LEMD1: variants seen among roughly 807,000 people sequenced by gnomAD.
The protein encoded by LEMD1 is LEM domain-containing protein 1.
A neutral mutation model predicts 17.4 loss-of-function variants in LEMD1; 18 were observed. That is an observed-to-expected ratio of 1.04 (90% confidence interval 0.72 to 1.54). LEMD1 has a LOEUF of 1.54. Among genes scored for constraint, LEMD1 ranks in the 40% most tolerant of loss-of-function variants. The probability of loss-of-function intolerance (pLI) is 0.00; values close to 1 mark genes in which losing one functional copy is unlikely to be tolerated. For missense variants in LEMD1, 195 were observed against 210.4 expected, an observed-to-expected ratio of 0.93 and a Z score of 0.45; for synonymous variants, 88 against 77.8, an observed-to-expected ratio of 1.13 and a Z score of -0.69.
intron 4 of LEMD1, chr1:205,386,113 A>G (rs1663998407): frequency 6.6e-6 from 1 of 152,358 alleles, no homozygotes; most frequent in Non-Finnish European, 1.5e-5. Flanking sequence ...TCAGGACACA[A>G]CAATAGAGTG....
chr1:205,434,048 A>G (rs890464307), intron 1 of LEMD1, among the ~76,000 whole-genome samples: 1 of 152,180 alleles, frequency 6.6e-6, no homozygotes, highest in African/African-American at 2.4e-5. Context: ...ATATAATCAC[A>G]TACATGATAT....
chr1:205,383,445 G>A (rs1663823645), intron 5 of LEMD1, among the ~76,000 whole-genome samples: 1 of 151,910 alleles, frequency 6.6e-6, no homozygotes, highest in South Asian at 2.1e-4. Flanking sequence ...TCAAATCAGG[G>A]TAATTAGGAT....
intron 4 of LEMD1, among the ~76,000 whole-genome samples, chr1:205,413,348 T>G (rs1665538570): frequency 1.3e-5 from 2 of 152,028 alleles, no homozygotes; most frequent in Admixed American, 1.3e-4. Flanking sequence ...AGTGCAGTGG[T>G]GTCATCATGG....
intron 4 of LEMD1, among the ~76,000 whole-genome samples, chr1:205,396,417 T>C (rs1343101074): frequency 1.3e-5 from 2 of 152,128 alleles, no homozygotes; most frequent in Admixed American, 6.5e-5. Context: ...ACCCCTTCCA[T>C]TCAGCAGTCC....
chr1:205,443,366 C>T (rs1201223830), intron 1 of LEMD1, among the ~76,000 whole-genome samples: 2 of 146,060 alleles, frequency 1.4e-5, no homozygotes, highest in East Asian at 4.2e-4. Flanking sequence ...AATATACCCC[C>T]TTAAATGACC....
Position 205,411,868 on chromosome 1 carries a change from G to A in LEMD1, c.270+4364C>T, listed in dbSNP as rs534153419. 2.0e-5 allele frequency among the ~76,000 whole-genome samples: 3 copies of A among 152,290 alleles called. No homozygotes were observed. In the East Asian group the frequency reaches 5.8e-4, roughly 29 times the overall value. On this transcript the variant is annotated intron_variant, in intron 4 of 5. Coordinates refer to ENST00000367153, the MANE Select transcript of LEMD1 (RefSeq NM_001199050.2). ...GGACGAGCATGTTGTGCTTGGGAGA[G>A]GGTAAAGAAACACCCAGGTGGCCCA... is the stretch of plus-strand genomic sequence containing the variant.
At chr1:205,430,810 G>GC in intron 1 of LEMD1, among the ~76,000 whole-genome samples, 1 of 152,320 alleles carries the variant, frequency 6.6e-6, no homozygotes, top group Middle Eastern at 3.4e-3. Flanking sequence ...GGGGCGCCCC[G>GC]CCCCCGCGCC....
At chr1:205,437,947 C>A (rs1666235245) in intron 1 of LEMD1, 1 of 152,084 alleles carries the variant, frequency 6.6e-6, no homozygotes, top group Non-Finnish European at 1.5e-5. Context: ...AAATAACAAT[C>A]TCCCTATATA....
At chr1:205,401,210 C>T (rs1226710093) in intron 4 of LEMD1, among the ~76,000 whole-genome samples, 1 of 151,914 alleles carries the variant, frequency 6.6e-6, no homozygotes, top group African/African-American at 2.4e-5. Flanking sequence ...GGGTATATAC[C>T]CAGTAATGGG....
At chr1:205,390,995 A>G (rs1179866224) in intron 4 of LEMD1, among the ~76,000 whole-genome samples, 2 of 146,674 alleles carry the variant, frequency 1.4e-5, no homozygotes, top group East Asian at 1.9e-4. Context: ...TAGAAGCCCA[A>G]TTCTCAGCAC....
chr1:205,396,915 G>A (rs767716197), intron 4 of LEMD1, among the ~76,000 whole-genome samples: 20 of 152,118 alleles, frequency 1.3e-4, no homozygotes, highest in African/African-American at 4.1e-4. Flanking sequence ...TTCTCATTAC[G>A]TAATTCTTTA....
At chr1:205,411,988 C>G (rs116456636) in intron 4 of LEMD1, among the ~76,000 whole-genome samples, 2,203 of 152,290 alleles carry the variant, frequency 0.014, 56 homozygotes, top group African/African-American at 0.05. Flanking sequence ...ATAAACACTT[C>G]CAACCTTGGA....
rs1375663625 is a variant in LEMD1 at position 205,381,767 on chromosome 1, C to T, written c.437G>A (p.Ser146Asn). Residue 146 changes from serine to asparagine, a missense_variant, in exon 6 of 6, where the codon AGC becomes AAC. Ser to Asn is a conservative substitution (Grantham distance 46, BLOSUM62 1). Coordinates refer to ENST00000367153, the MANE Select transcript of LEMD1 (RefSeq NM_001199050.2). Reference sequence around the variant, plus strand: ...CACTGGGAAACCTTCTTCTCTCCAGCTCTCGATAGTCTGGTCTTCCGCGCA... The same window carrying T: ...CACTGGGAAACCTTCTTCTCTCCAGTTCTCGATAGTCTGGTCTTCCGCGCA... Reference protein sequence around the residue: ...DYCAEDQTIESWREEGFPVGL... With the variant: ...DYCAEDQTIENWREEGFPVGL... The T allele has an allele frequency of 1.9e-6, 3 of 1,614,228 alleles. No individual in the cohort carries two copies. Among genetic ancestry groups the T allele is most frequent in the Non-Finnish European group, 1.7e-6 (2 of 1,180,032 alleles).
At chr1:205,445,530 C>T (rs1248205105) in intron 1 of LEMD1, among the ~76,000 whole-genome samples, 2 of 152,242 alleles carry the variant, frequency 1.3e-5, no homozygotes, top group Non-Finnish European at 2.9e-5. Flanking sequence ...AGACCACAGA[C>T]CCTAGCTTGC....
rs546849017 is a variant in LEMD1, at chr1:205,382,075, C to T, written c.348-219G>A. On this transcript the variant is annotated intron_variant, in intron 5 of 5. Coordinates refer to ENST00000367153, the MANE Select transcript of LEMD1 (RefSeq NM_001199050.2). ...GGAGTGCAGTGGTACAATCACAGCT[C>T]ACTGCAGCCTTAACCTCCTGGGCTC... 28 of 561,202 alleles carry T rather than the reference C, an allele frequency of 5.0e-5. No homozygotes were observed. In the South Asian group the frequency reaches 5.7e-4, roughly 11 times the overall value. The allele number at this position is 561,202 out of a possible 1,614,324, so 34.8% of individuals were successfully genotyped here. A position where few individuals can be genotyped will look rare whatever the true frequency, so the allele number is the denominator to read the frequency against.
intron 1 of LEMD1, among the ~76,000 whole-genome samples, chr1:205,434,109 T>C (rs192253151): frequency 2.7e-4 from 41 of 152,286 alleles, no homozygotes; most frequent in African/African-American, 9.1e-4. Flanking sequence ...TTTCTCTCTT[T>C]TATAAGTCTG....
chr1:205,392,119 C>CA (rs1332535148), intron 4 of LEMD1, among the ~76,000 whole-genome samples: 1 of 151,098 alleles, frequency 6.6e-6, no homozygotes, highest in Non-Finnish European at 1.5e-5. Context: ...TCAAGAAAAA[C>CA]AAAAAACAAA....
At chr1:205,443,636 G>A (rs1026246573) in intron 1 of LEMD1, among the ~76,000 whole-genome samples, 1 of 152,146 alleles carries the variant, frequency 6.6e-6, no homozygotes, top group Non-Finnish European at 1.5e-5. Context: ...ACAGGGCCTG[G>A]TTATTCTGCT....
intron 4 of LEMD1, among the ~76,000 whole-genome samples, chr1:205,411,239 GAA>G (rs1665395745): frequency 2.1e-5 from 3 of 146,026 alleles, no homozygotes; most frequent in African/African-American, 7.5e-5. Context: ...GGGAGGGAGG[GAA>G]AGGAAGGAAG....
Sources: gnomAD v4.1 joint callset for allele counts (sites outside exome capture counted in the v4.1 genomes callset) on GRCh38, gnomAD v4.1.1 for gene constraint, MANE v1.5 for transcripts, NCBI Gene and HGNC (gene_info 2026-07-23, HGNC 2026-07-21) for gene names.